Variants in TNS1 observed in about 807,000 individuals in gnomAD.
TNS1 encodes the protein tensin 1.
In TNS1, 62 loss-of-function variants were observed where a neutral mutation model predicts 168.6. That is an observed-to-expected ratio of 0.37 (90% CI 0.30 to 0.45). The LOEUF is 0.45. Among genes scored for constraint, TNS1 ranks in the 20% least tolerant of loss-of-function variants. TNS1 has a pLI of 1.00. For synonymous variants in TNS1, 934 were observed against 933.2 expected, an observed-to-expected ratio of 1.00 and a Z score of -0.02; for missense variants, 2,240 against 2,339.4, an observed-to-expected ratio of 0.96 and a Z score of 0.88.
chr2:217,980,783 C>A (rs1958029482), intron 2 of TNS1, among the ~76,000 whole-genome samples: 2 of 152,150 alleles, frequency 1.3e-5, no homozygotes, highest in Admixed American at 6.5e-5. Flanking sequence ...CTCCCTCCAG[C>A]ATGCTCCCTG....
chr2:217,937,340 C>T (rs1300362697), intron 3 of TNS1, among the ~76,000 whole-genome samples: 2 of 152,164 alleles, frequency 1.3e-5, no homozygotes, highest in Admixed American at 6.5e-5. Context: ...TGCCGCACAG[C>T]GTCCACAGTG....
At chr2:217,923,398 G>A (rs886247353) in intron 3 of TNS1, among the ~76,000 whole-genome samples, 8 of 152,222 alleles carry the variant, frequency 5.3e-5, no homozygotes, top group African/African-American at 1.9e-4. Flanking sequence ...TCTGTGCCAG[G>A]CACTGTTCTC....
At chr2:218,020,058 C>A (rs931338353) in intron 1 of TNS1, among the ~76,000 whole-genome samples, 1 of 152,142 alleles carries the variant, frequency 6.6e-6, no homozygotes, top group Admixed American at 6.5e-5. Flanking sequence ...TGTTGACTCT[C>A]GCTCTGTCTT....
At chr2:217,953,563 G>A (rs1957290967) in intron 3 of TNS1, among the ~76,000 whole-genome samples, 1 of 152,210 alleles carries the variant, frequency 6.6e-6, no homozygotes, top group Admixed American at 6.5e-5. Context: ...CAGCGTTCAG[G>A]CCAATCATAG....
At chr2:218,026,041 A>G (rs931379005) in intron 1 of TNS1, among the ~76,000 whole-genome samples, 3 of 152,212 alleles carry the variant, frequency 2.0e-5, no homozygotes, top group East Asian at 1.9e-4. Flanking sequence ...CATTTCCCCT[A>G]GTAAAATCCT....
At chr2:217,923,256 C>A (rs954316472) in intron 3 of TNS1, among the ~76,000 whole-genome samples, 1 of 152,178 alleles carries the variant, frequency 6.6e-6, no homozygotes, top group African/African-American at 2.4e-5. Context: ...TCAGGTAAGC[C>A]CCCTTCCCCC....
intron 12 of TNS1, among the ~76,000 whole-genome samples, chr2:217,887,861 G>A (rs933153539): frequency 3.0e-4 from 45 of 152,302 alleles, no homozygotes; most frequent in African/African-American, 9.1e-4. Context: ...TCGATTGGTC[G>A]GCATTTTCCC....
At chr2:217,989,955 G>T (rs73080364) in intron 2 of TNS1, among the ~76,000 whole-genome samples, 1 of 136,490 alleles carries the variant, frequency 7.3e-6, no homozygotes, top group East Asian at 2.2e-4. Flanking sequence ...TCATCCTCAC[G>T]CCATCCACAC....
chr2:217,964,595 A>G (rs1957577479), intron 3 of TNS1, among the ~76,000 whole-genome samples: 1 of 152,174 alleles, frequency 6.6e-6, no homozygotes, highest in African/African-American at 2.4e-5. Flanking sequence ...TGTGTGTGCT[A>G]GGATATAGGA....
chr2:217,813,208 A>G lies in TNS1; in HGVS notation c.4954+7T>C. 1 of 1,597,054 alleles carries G rather than the reference A, an allele frequency of 6.3e-7. No individual in the cohort carries two copies. The highest frequency in any genetic ancestry group is 8.5e-7 in the Non-Finnish European group (1 of 1,169,990). ...ACTGTAGAGATGGGGGCAGGGGGAC[A>G]GCTCACCGAAGTTTGGCTCATTGGG... is the stretch of plus-strand genomic sequence containing the variant. On this transcript the variant is annotated splice_region_variant and intron_variant, in intron 27 of 32. Transcript: ENST00000682258. This position sits in a 1 kb window ranked among gnomAD's most constrained non-coding sequence, Gnocchi z 4.0.
Position 217,977,755 on chromosome 2 carries a change from G to A in TNS1, c.186+1010C>T, listed in dbSNP as rs144128970. On this transcript the variant is annotated intron_variant, in intron 3 of 32. Transcript: ENST00000682258. ...ACCCAGCTAATAAGAAGCAAAACAT[G>A]AGATGTACCAGATACAGGTCCTCAA... Among the ~76,000 whole-genome samples the A allele has an allele frequency of 1.2e-4, 18 of 152,298 alleles. No homozygotes were observed. The South Asian group carries it at 2.9e-3, about 25-fold the overall frequency.
At chr2:217,977,308 G>A (rs753496799) in intron 3 of TNS1, among the ~76,000 whole-genome samples, 6 of 152,168 alleles carry the variant, frequency 3.9e-5, no homozygotes, top group African/African-American at 7.2e-5. Flanking sequence ...GAGAGAGGCC[G>A]CAGGAAAGGA....
intron 3 of TNS1, among the ~76,000 whole-genome samples, chr2:217,922,590 G>T (rs992573494): frequency 5.3e-5 from 8 of 152,180 alleles, no homozygotes; most frequent in Non-Finnish European, 1.0e-4. Flanking sequence ...AGGGAGGGAG[G>T]GGGTTATGGC....
At chr2:217,944,939 G>A (rs1957065675) in intron 3 of TNS1, among the ~76,000 whole-genome samples, 1 of 152,168 alleles carries the variant, frequency 6.6e-6, no homozygotes, top group African/African-American at 2.4e-5. Flanking sequence ...AAAGGAAGGG[G>A]AAAAGTTATT....
chr2:218,018,525 A>G (rs1279106073), intron 1 of TNS1, among the ~76,000 whole-genome samples: 2 of 152,236 alleles, frequency 1.3e-5, no homozygotes, highest in Non-Finnish European at 2.9e-5. Flanking sequence ...CCCATGGGGA[A>G]CGAGGCCGCT....
intron 1 of TNS1, among the ~76,000 whole-genome samples, chr2:218,021,668 G>A (rs1169217336): frequency 6.6e-6 from 1 of 152,048 alleles, no homozygotes; most frequent in Non-Finnish European, 1.5e-5. Flanking sequence ...TTTCCTCCCA[G>A]GAGTCGCTGG....
At chr2:217,943,289 C>G (rs1416274242) in intron 3 of TNS1, among the ~76,000 whole-genome samples, 1 of 152,238 alleles carries the variant, frequency 6.6e-6, no homozygotes, top group South Asian at 2.1e-4. Flanking sequence ...GAACCCTAAC[C>G]TTGCCAGGCC....
At chr2:217,822,298 C>G (rs1021152513) in intron 22 of TNS1, among the ~76,000 whole-genome samples, 4 of 152,206 alleles carry the variant, frequency 2.6e-5, no homozygotes, top group Non-Finnish European at 2.9e-5. Context: ...AGGTTCTCCT[C>G]GTGCCACTAG....
chr2:218,021,654 G>A (rs1958807371), intron 1 of TNS1, among the ~76,000 whole-genome samples: 3 of 152,136 alleles, frequency 2.0e-5, no homozygotes, highest in South Asian at 4.1e-4. Flanking sequence ...ACCAGTGCCA[G>A]AAGTTTCCTC....
Sources: gnomAD v4.1 joint callset for allele counts (sites outside exome capture counted in the v4.1 genomes callset) on GRCh38, gnomAD v4.1.1 for gene constraint, Gnocchi (gnomAD v3.1) non-coding constraint, MANE v1.5 for transcripts, NCBI Gene and HGNC (gene_info 2026-07-23, HGNC 2026-07-21) for gene names.